MGAT4C: variants seen among roughly 807,000 people sequenced by gnomAD.
MGAT4C encodes MGAT4 family member C.
A neutral mutation model predicts 40.1 loss-of-function variants in MGAT4C; 19 were observed. The observed-to-expected ratio is 0.47, with a 90% CI of 0.33 to 0.70. The LOEUF is 0.70. MGAT4C is among the 30% of genes least tolerant of loss of function. The pLI is 0.02. For missense variants in MGAT4C, 491 were observed against 563.2 expected (o/e 0.87, Z 1.30); for synonymous variants, 181 against 187.1 (o/e 0.97, Z 0.27).
intron 1 of MGAT4C, among the ~76,000 whole-genome samples, chr12:86,807,836 G>T (rs1210444159): frequency 6.6e-6 from 1 of 152,014 alleles, no homozygotes; most frequent in African/African-American, 2.4e-5. Context: ...GGCATGATAT[G>T]GTATCTCATT....
intron 3 of MGAT4C, among the ~76,000 whole-genome samples, chr12:86,412,770 C>A (rs1956631026): frequency 6.6e-6 from 1 of 152,102 alleles, no homozygotes; most frequent in African/African-American, 2.4e-5. Context: ...TGAGAGGGAC[C>A]ATGGACCAAA....
At chr12:86,658,794 A>G (rs1333529489) in intron 2 of MGAT4C, among the ~76,000 whole-genome samples, 2 of 152,156 alleles carry the variant, frequency 1.3e-5, no homozygotes, top group Non-Finnish European at 2.9e-5. Context: ...TGTCCAGTTG[A>G]CTTTAGGTTT....
chr12:86,517,828 T>C (rs1958722456), intron 2 of MGAT4C, among the ~76,000 whole-genome samples: 1 of 152,094 alleles, frequency 6.6e-6, no homozygotes, highest in Non-Finnish European at 1.5e-5. Context: ...TTTTTGTATT[T>C]TTAGTAGTAA....
chr12:86,665,377 T>A (rs952489971), intron 2 of MGAT4C, among the ~76,000 whole-genome samples: 5 of 151,958 alleles, frequency 3.3e-5, no homozygotes, highest in Non-Finnish European at 7.4e-5. Flanking sequence ...GTTATACAAC[T>A]TTTTTTCTTT....
At position 86,633,935 on chromosome 12, in the gene MGAT4C, G is replaced by A. The variant is rs1465112155; in HGVS notation, c.-229+93274C>T. Among the ~76,000 whole-genome samples the A allele has an allele frequency of 1.1e-4, 17 of 151,728 alleles. No homozygotes were observed. The Admixed American group carries it at 1.1e-3, about 10-fold the overall frequency. On this transcript the variant is annotated intron_variant, in intron 2 of 7. Transcript: ENST00000548651. Reference sequence around the variant, plus strand: ...CGAGTTTTTTTTTTATTATCGCAATGGGCAACAGGTGAAACATAAATACAC... The same window carrying A: ...CGAGTTTTTTTTTTATTATCGCAATAGGCAACAGGTGAAACATAAATACAC...
chr12:86,228,045 C>G (rs1372892299), intron 1 of MGAT4C, among the ~76,000 whole-genome samples: 1 of 151,746 alleles, frequency 6.6e-6, no homozygotes, highest in Admixed American at 6.6e-5. Context: ...AGCTTATTCA[C>G]TTCAATATTT....
At chr12:86,288,931 T>A (rs774442249) in intron 4 of MGAT4C, among the ~76,000 whole-genome samples, 12 of 152,204 alleles carry the variant, frequency 7.9e-5, no homozygotes, top group Non-Finnish European at 1.2e-4. Flanking sequence ...TCTCATTTTT[T>A]AATTTTTGTC....
At chr12:86,508,936 T>C (rs1245022360) in intron 2 of MGAT4C, among the ~76,000 whole-genome samples, 2 of 151,342 alleles carry the variant, frequency 1.3e-5, no homozygotes, top group South Asian at 2.1e-4. Flanking sequence ...TTTGTTTGAG[T>C]TCATTGTAGA....
At position 86,175,368 on chromosome 12, in the gene MGAT4C, T is replaced by C. The variant is rs991034480; in HGVS notation, c.-57+80871A>G. Among the ~76,000 whole-genome samples the C allele has an allele frequency of 2.6e-5, 4 of 152,310 alleles. No homozygotes were observed. In the Middle Eastern group the frequency reaches 0.014, roughly 518 times the overall value. On this transcript the variant is annotated intron_variant, in intron 1 of 4. Coordinates refer to ENST00000611864, the MANE Select transcript of MGAT4C (RefSeq NM_001351288.2). ...TCCTTCTGTCTGCCTGTTCAAACAT[T>C]GCTTTTACATCCTAAATTTCTCTTA...
chr12:86,439,688 A>G (rs1957195056), intron 2 of MGAT4C, among the ~76,000 whole-genome samples: 1 of 152,086 alleles, frequency 6.6e-6, no homozygotes, highest in Admixed American at 6.6e-5. Flanking sequence ...AATGAAGCAA[A>G]AAGTTTTTTC....
intron 2 of MGAT4C, among the ~76,000 whole-genome samples, chr12:86,464,293 G>A (rs1355466894): frequency 2.6e-5 from 4 of 152,096 alleles, no homozygotes; most frequent in Non-Finnish European, 5.9e-5. Flanking sequence ...AAAGTTAGAG[G>A]CAAACTGTTT....
chr12:86,665,527 C>T (rs1347229686), intron 2 of MGAT4C, among the ~76,000 whole-genome samples: 1 of 152,006 alleles, frequency 6.6e-6, no homozygotes, highest in African/African-American at 2.4e-5. Flanking sequence ...CAGGTGCCCG[C>T]CACCATGCCC....
intron 3 of MGAT4C, among the ~76,000 whole-genome samples, chr12:86,422,572 T>G (rs371335071): frequency 4.5e-4 from 68 of 152,316 alleles, no homozygotes; most frequent in African/African-American, 1.6e-3. Context: ...ATGCAACTTC[T>G]GTGTCAAATA....
In MGAT4C at chr12:86,653,313, C is replaced by T. The variant is rs370898606; in HGVS notation, c.-229+73896G>A. On this transcript the variant is annotated intron_variant, in intron 2 of 7. Transcript: ENST00000548651. Reference sequence around the variant, plus strand: ...GGATACTCAGGTTGGCAATAACTTCCGCTCACCTCAAAAAGCTTTTTTTCT... The same window carrying T: ...GGATACTCAGGTTGGCAATAACTTCTGCTCACCTCAAAAAGCTTTTTTTCT... 1.7e-4 allele frequency among the ~76,000 whole-genome samples: 26 copies of T among 151,732 alleles called. No individual in the cohort carries two copies. In the East Asian group the frequency reaches 3.3e-3, roughly 19 times the overall value.
intron 2 of MGAT4C, among the ~76,000 whole-genome samples, chr12:86,649,188 A>G (rs1963628590): frequency 6.6e-6 from 1 of 151,454 alleles, no homozygotes; most frequent in Admixed American, 6.6e-5. Context: ...TCTTCCAAAA[A>G]CCTCTGTACT....
At chr12:86,347,439 T>C (rs942580598) in intron 3 of MGAT4C, among the ~76,000 whole-genome samples, 5 of 152,162 alleles carry the variant, frequency 3.3e-5, no homozygotes, top group Non-Finnish European at 7.3e-5. Flanking sequence ...AAATATTAAG[T>C]ATAAAAAAAT....
At chr12:86,569,353 C>T (rs1439348968) in intron 2 of MGAT4C, among the ~76,000 whole-genome samples, 1 of 151,842 alleles carries the variant, frequency 6.6e-6, no homozygotes, top group Non-Finnish European at 1.5e-5. Flanking sequence ...ACCAAATAAC[C>T]CCATTAAAAA....
At chr12:86,259,682 G>T (rs913436044), upstream of MGAT4C, among the ~76,000 whole-genome samples, 1 of 79,240 alleles carries the variant, frequency 1.3e-5, no homozygotes, top group South Asian at 4.5e-4. Context: ...TGAGTTCAGA[G>T]AATATAAAAT....
chr12:86,523,156 T>C (rs1235417108), intron 2 of MGAT4C, among the ~76,000 whole-genome samples: 1 of 151,940 alleles, frequency 6.6e-6, no homozygotes, highest in African/African-American at 2.4e-5. Flanking sequence ...ATGTTGTGTG[T>C]TGTGCTTTGT....
Sources: gnomAD v4.1 joint callset for allele counts (sites outside exome capture counted in the v4.1 genomes callset) on GRCh38, gnomAD v4.1.1 for gene constraint, MANE v1.5 for transcripts, NCBI Gene and HGNC (gene_info 2026-07-23, HGNC 2026-07-21) for gene names.